Variants in ROBO2 observed in about 807,000 individuals in gnomAD.
ROBO2 encodes roundabout homolog 2.
In ROBO2, 53 loss-of-function variants were observed where a neutral mutation model predicts 160.8. The observed-to-expected ratio is 0.33, with a 90% CI of 0.26 to 0.41. ROBO2 has a LOEUF of 0.41. ROBO2 is among the 10% of genes least tolerant of loss of function. The pLI is 1.00. For synonymous variants in ROBO2, 664 were observed against 611.7 expected (o/e 1.09, Z -1.26); for missense variants, 1,577 against 1,722.4 (o/e 0.92, Z 1.49).
intron 2 of ROBO2, among the ~76,000 whole-genome samples, chr3:76,850,222 T>C (rs1440536842): frequency 6.6e-6 from 1 of 152,194 alleles, no homozygotes; most frequent in Non-Finnish European, 1.5e-5. Flanking sequence ...GATTAAGATT[T>C]TATGACTAAA....
chr3:76,131,110 G>A (rs1445681120), intron 2 of ROBO2, among the ~76,000 whole-genome samples: 1 of 152,098 alleles, frequency 6.6e-6, no homozygotes, highest in Non-Finnish European at 1.5e-5. Context: ...GAATTAATGT[G>A]TATAGTATGT....
intron 2 of ROBO2, among the ~76,000 whole-genome samples, chr3:77,427,225 T>C (rs1368396839): frequency 6.6e-6 from 1 of 152,170 alleles, no homozygotes; most frequent in Non-Finnish European, 1.5e-5. Flanking sequence ...AAGTTGTATC[T>C]TATGGAAGCA....
At chr3:76,574,858 G>C (rs896192836) in intron 2 of ROBO2, among the ~76,000 whole-genome samples, 14 of 152,002 alleles carry the variant, frequency 9.2e-5, no homozygotes, top group African/African-American at 3.4e-4. Flanking sequence ...CAGTGCTGCT[G>C]GTCCATGGAC....
At position 76,199,243 on chromosome 3, in the gene ROBO2, C is replaced by T. The variant is rs151092105; in HGVS notation, c.109+261641C>T. Among the ~76,000 whole-genome samples, 228 of 152,238 alleles carry T rather than the reference C, an allele frequency of 1.5e-3. 2 individuals are homozygous for T. Among genetic ancestry groups the T allele is most frequent in the African/African-American group, 5.4e-3 (225 of 41,558 alleles). ...TACCATAGCAGTAAGTGAGAGAAAG[C>T]CACCTTGGCTGGCTTTGAAGATGTA... On this transcript the variant is annotated intron_variant, in intron 2 of 26. Coordinates refer to the ROBO2 transcript ENST00000487694.
chr3:76,163,214 C>T (rs1221704283), intron 2 of ROBO2, among the ~76,000 whole-genome samples: 1 of 151,790 alleles, frequency 6.6e-6, no homozygotes, highest in Non-Finnish European at 1.5e-5. Flanking sequence ...GCAGGGCCCA[C>T]CATATTCTAC....
intron 2 of ROBO2, among the ~76,000 whole-genome samples, chr3:76,190,571 A>C (rs1559625735): frequency 6.6e-6 from 1 of 152,124 alleles, no homozygotes; most frequent in Non-Finnish European, 1.5e-5. Context: ...AAGCTTAGAC[A>C]TATAACTTTA....
intron 2 of ROBO2, among the ~76,000 whole-genome samples, chr3:77,175,517 A>G (rs1470693328): frequency 6.6e-6 from 1 of 151,972 alleles, no homozygotes; most frequent in African/African-American, 2.4e-5. Context: ...ATATTGTTGG[A>G]TCTACGTGTT....
At chr3:76,496,129 T>G in intron 2 of ROBO2, among the ~76,000 whole-genome samples, 1 of 152,226 alleles carries the variant, frequency 6.6e-6, no homozygotes. Context: ...ATTTCGAGAT[T>G]GTTGTAACAG....
intron 2 of ROBO2, among the ~76,000 whole-genome samples, chr3:77,304,492 G>C (rs2062928189): frequency 6.6e-6 from 1 of 152,122 alleles, no homozygotes; most frequent in Non-Finnish European, 1.5e-5. Context: ...GCTCCAGAAA[G>C]GGTTTGCCAC....
chr3:77,642,788 GACA>G, intron 24 of ROBO2: 1 of 456,722 alleles, frequency 2.2e-6, no homozygotes, highest in Non-Finnish European at 4.4e-6. Flanking sequence ...TCTCTAGAGA[GACA>G]ACATGCATCC....
chr3:77,493,090 G>A (rs890451440), intron 4 of ROBO2, among the ~76,000 whole-genome samples, 154 bp from the exon 5 acceptor site: 6 of 152,116 alleles, frequency 3.9e-5, no homozygotes, highest in African/African-American at 1.4e-4. Context: ...AATGACATTG[G>A]ATTCACAAGG....
chr3:76,274,399 TAG>T (rs554027886), intron 2 of ROBO2, among the ~76,000 whole-genome samples: 23 of 152,294 alleles, frequency 1.5e-4, no homozygotes, highest in African/African-American at 4.6e-4. Flanking sequence ...AGAATTATTT[TAG>T]TGTTTGTTTT....
chr3:76,214,590 T>C (rs892396883), intron 2 of ROBO2, among the ~76,000 whole-genome samples: 2 of 152,158 alleles, frequency 1.3e-5, no homozygotes, highest in African/African-American at 4.8e-5. Flanking sequence ...GAGATCGAAC[T>C]GCAAGGCAGC....
chr3:76,599,484 A>T (rs1302946795), intron 2 of ROBO2, among the ~76,000 whole-genome samples: 1 of 152,008 alleles, frequency 6.6e-6, no homozygotes, highest in Admixed American at 6.6e-5. Flanking sequence ...TGTCTTTGTT[A>T]TTGTGAATAG....
At chr3:75,993,749 T>C (rs999590273) in intron 2 of ROBO2, among the ~76,000 whole-genome samples, 1 of 152,176 alleles carries the variant, frequency 6.6e-6, no homozygotes, top group Non-Finnish European at 1.5e-5. Context: ...ACTTAATACA[T>C]TGAAGCACCT....
intron 2 of ROBO2, among the ~76,000 whole-genome samples, chr3:76,328,911 TA>T (rs11338496): frequency 0.15 from 8,470 of 55,316 alleles, 696 homozygotes; most frequent in African/African-American, 0.36. Flanking sequence ...TATGTTATTA[TA>T]TATATATATA....
intron 2 of ROBO2, among the ~76,000 whole-genome samples, chr3:76,916,082 A>C (rs1354068245): frequency 1.3e-5 from 2 of 152,162 alleles, no homozygotes; most frequent in Non-Finnish European, 2.9e-5. Flanking sequence ...TAGGGTTTCA[A>C]TATATGAATT....
At chr3:75,961,583 TC>T (rs1177298969) in intron 2 of ROBO2, among the ~76,000 whole-genome samples, 2 of 151,682 alleles carry the variant, frequency 1.3e-5, no homozygotes, top group Non-Finnish European at 3.0e-5. Context: ...GGTGTAGCAT[TC>T]TTTATAATGT....
At chr3:75,970,105 T>G (rs948827440) in intron 2 of ROBO2, among the ~76,000 whole-genome samples, 3 of 151,438 alleles carry the variant, frequency 2.0e-5, no homozygotes, top group African/African-American at 7.3e-5. Context: ...TATATGTAGA[T>G]AACCAGACTC....
Sources: gnomAD v4.1 joint callset for allele counts (sites outside exome capture counted in the v4.1 genomes callset) on GRCh38, gnomAD v4.1.1 for gene constraint, MANE v1.5 for transcripts, NCBI Gene and HGNC (gene_info 2026-07-23, HGNC 2026-07-21) for gene names.